The following HPSE2 variants were observed in gnomAD, a reference collection of about 807,000 sequenced individuals.
HPSE2 encodes the protein heparanase 2 (inactive).
A neutral mutation model predicts 60.5 loss-of-function variants in HPSE2; 38 were observed. That is an observed-to-expected ratio of 0.63 (90% CI 0.48 to 0.82). HPSE2 has a LOEUF of 0.82. HPSE2 is among the 40% of genes least tolerant of loss of function. The pLI is 0.00. For missense variants in HPSE2, 713 were observed against 740.4 expected, an observed-to-expected ratio of 0.96 and a Z score of 0.43; for synonymous variants, 295 against 293.2, an observed-to-expected ratio of 1.01 and a Z score of -0.06.
At chr10:98,753,505 C>G (rs1443497944) in intron 3 of HPSE2, among the ~76,000 whole-genome samples, 1 of 152,180 alleles carries the variant, frequency 6.6e-6, no homozygotes, top group African/African-American at 2.4e-5. Flanking sequence ...ACTCAAGTGT[C>G]CATTACTAAT....
chr10:98,769,572 C>T (rs193164041), intron 3 of HPSE2, among the ~76,000 whole-genome samples: 99 of 152,140 alleles, frequency 6.5e-4, no homozygotes, highest in East Asian at 1.2e-3. Context: ...CCCATGAGTG[C>T]GGGGTGTGGG....
At chr10:98,696,679 G>C (rs1373595411) in intron 5 of HPSE2, among the ~76,000 whole-genome samples, 1 of 152,344 alleles carries the variant, frequency 6.6e-6, no homozygotes, top group Admixed American at 6.5e-5. Flanking sequence ...AGGAGGAGGG[G>C]TGACCAGCAC....
chr10:99,109,124 A>C (rs1844361809), intron 3 of HPSE2, among the ~76,000 whole-genome samples: 1 of 152,208 alleles, frequency 6.6e-6, no homozygotes, highest in Non-Finnish European at 1.5e-5. Context: ...TACATATACA[A>C]ATCAAGTCTT....
At position 98,528,766 on chromosome 10, in the gene HPSE2, G is replaced by C. The variant is rs60874701; in HGVS notation, c.1321-38570C>G. 2.2e-4 allele frequency among the ~76,000 whole-genome samples: 34 copies of C among 152,326 alleles called. No homozygotes were observed. The East Asian group carries it at 6.6e-3, about 29-fold the overall frequency. On this transcript the variant is annotated intron_variant, in intron 9 of 11. Transcript: ENST00000370552. Reference sequence around the variant, plus strand: ...CTGTGCATTCATTAGAACATGGGGAGCCAAGTGATTGGGAAGCAGCAGCCC... The same window carrying C: ...CTGTGCATTCATTAGAACATGGGGACCCAAGTGATTGGGAAGCAGCAGCCC...
chr10:98,530,171 G>A (rs1943086479), intron 9 of HPSE2, among the ~76,000 whole-genome samples: 1 of 152,154 alleles, frequency 6.6e-6, no homozygotes, highest in African/African-American at 2.4e-5. Context: ...ATGGAGGAGT[G>A]TATATACATG....
At chr10:99,132,329 C>T (rs945350309) in intron 3 of HPSE2, among the ~76,000 whole-genome samples, 4 of 151,626 alleles carry the variant, frequency 2.6e-5, no homozygotes, top group East Asian at 1.9e-4. Context: ...CACCTGTTCC[C>T]GAAAAACTAT....
chr10:99,246,023 T>G, the HPSE2 span, among the ~76,000 whole-genome samples: 1 of 152,200 alleles, frequency 6.6e-6, no homozygotes, highest in Non-Finnish European at 1.5e-5. Context: ...GAATGATACC[T>G]ATAGCAAAAT....
chr10:98,898,537 TA>T (rs1953564902), intron 3 of HPSE2, among the ~76,000 whole-genome samples: 1 of 152,188 alleles, frequency 6.6e-6, no homozygotes, highest in South Asian at 2.1e-4. Context: ...AATATCAAGA[TA>T]GTAAAAAGAT....
At chr10:98,769,225 T>G (rs1214015627) in intron 3 of HPSE2, among the ~76,000 whole-genome samples, 1 of 152,158 alleles carries the variant, frequency 6.6e-6, no homozygotes, top group Non-Finnish European at 1.5e-5. Context: ...TATCATCACA[T>G]AAATATCCAC....
chr10:98,856,349 G>A (rs756831076), intron 3 of HPSE2, among the ~76,000 whole-genome samples: 1 of 152,094 alleles, frequency 6.6e-6, no homozygotes, highest in Non-Finnish European at 1.5e-5. Flanking sequence ...CAAAAAGTAG[G>A]TGACTGAATA....
intron 3 of HPSE2, among the ~76,000 whole-genome samples, chr10:98,749,810 T>C (rs1023986637): frequency 2.7e-5 from 4 of 150,556 alleles, no homozygotes; most frequent in African/African-American, 9.7e-5. Flanking sequence ...GTTAGGTGTA[T>C]TAAATGCATT....
At chr10:99,068,415 G>C (rs964296422) in intron 3 of HPSE2, among the ~76,000 whole-genome samples, 2 of 152,168 alleles carry the variant, frequency 1.3e-5, no homozygotes, top group African/African-American at 4.8e-5. Flanking sequence ...AGGCAAATGA[G>C]GAGCAAAGTC....
the HPSE2 span, among the ~76,000 whole-genome samples, chr10:99,244,012 G>A: frequency 1.1e-4 from 16 of 152,152 alleles, 1 homozygote; most frequent in South Asian, 3.1e-3. Context: ...TAATACAATT[G>A]TGTTTGTCAA....
chr10:99,066,674 ATT>A (rs1355448645), intron 3 of HPSE2, among the ~76,000 whole-genome samples: 1 of 152,180 alleles, frequency 6.6e-6, no homozygotes, highest in Non-Finnish European at 1.5e-5. Context: ...GCATGATTCC[ATT>A]ATCTCCACCT....
chr10:98,983,919 C>A (rs970668449), intron 3 of HPSE2, among the ~76,000 whole-genome samples: 1 of 152,186 alleles, frequency 6.6e-6, no homozygotes, highest in Non-Finnish European at 1.5e-5. Flanking sequence ...TGAGATCGAA[C>A]TGCAAGGCAG....
At chr10:99,267,444 T>A in the HPSE2 span, among the ~76,000 whole-genome samples, 41 of 151,092 alleles carry the variant, frequency 2.7e-4, no homozygotes, top group East Asian at 9.7e-4. Flanking sequence ...AGAAAAAAAA[T>A]TTTTTTTAAA....
intron 2 of HPSE2, among the ~76,000 whole-genome samples, chr10:99,177,991 G>C (rs967412869): frequency 2.0e-5 from 3 of 151,918 alleles, no homozygotes; most frequent in African/African-American, 7.3e-5. Flanking sequence ...CAACTACATG[G>C]AAAATGAACA....
intron 3 of HPSE2, among the ~76,000 whole-genome samples, chr10:98,795,000 G>T (rs1196996634): frequency 6.8e-6 from 1 of 146,074 alleles, no homozygotes; most frequent in Non-Finnish European, 1.5e-5. Context: ...GGGAGGGGAG[G>T]GAGGAAGGAG....
At chr10:98,637,748 C>T (rs754192362) in intron 7 of HPSE2, among the ~76,000 whole-genome samples, 45 of 152,158 alleles carry the variant, frequency 3.0e-4, no homozygotes, top group Non-Finnish European at 5.7e-4. Flanking sequence ...CACTGTGGGC[C>T]TAATGGGGTC....
Sources: allele counts gnomAD v4.1 joint callset (sites outside exome capture counted in the v4.1 genomes callset), GRCh38; gene constraint gnomAD v4.1.1; transcripts MANE v1.5; gene names NCBI Gene and HGNC (gene_info 2026-07-23, HGNC 2026-07-21).